AUTS2: variants seen among roughly 807,000 people sequenced by gnomAD.
The protein encoded by AUTS2 is activator of transcription and developmental regulator AUTS2, also known as autism susceptibility gene 2 protein.
A neutral mutation model predicts 112.4 loss-of-function variants in AUTS2; 17 were observed. The ratio of observed to expected loss-of-function variants is 0.15; its 90% confidence interval spans 0.10 to 0.23. The LOEUF (loss-of-function observed/expected upper bound fraction) is 0.23. Among genes scored for constraint, AUTS2 ranks in the 10% least tolerant of loss-of-function variants. The pLI, the probability that AUTS2 is intolerant of heterozygous loss-of-function variation, is 1.00. For synonymous variants in AUTS2, 751 were observed against 702.7 expected (o/e 1.07, Z -1.09); for missense variants, 1,510 against 1,701.6 (o/e 0.89, Z 1.98).
chr7:69,646,420 G>A (rs1461350450), intron 1 of AUTS2, among the ~76,000 whole-genome samples: 1 of 152,130 alleles, frequency 6.6e-6, no homozygotes, highest in Non-Finnish European at 1.5e-5. Flanking sequence ...AATGTTGAGA[G>A]GCTGTATTTT....
chr7:70,000,620 G>A (rs192735496), intron 2 of AUTS2, among the ~76,000 whole-genome samples: 137 of 152,220 alleles, frequency 9.0e-4, no homozygotes, highest in Non-Finnish European at 1.1e-3. Context: ...ATTCAATTCT[G>A]TATTCTCCCA....
chr7:69,715,200 G>T (rs1798541846), intron 1 of AUTS2, among the ~76,000 whole-genome samples: 1 of 144,028 alleles, frequency 6.9e-6, no homozygotes, highest in African/African-American at 2.6e-5. Flanking sequence ...TCCTTCTTTG[G>T]CTTGTATAAT....
At chr7:70,200,165 C>T (rs1193504440) in intron 4 of AUTS2, among the ~76,000 whole-genome samples, 29 of 14,854 alleles carry the variant, frequency 2.0e-3, no homozygotes, top group Non-Finnish European at 3.4e-3. Context: ...ACACCACATA[C>T]CAGAATCTCT....
chr7:69,814,269 A>T (rs745443144), intron 1 of AUTS2, among the ~76,000 whole-genome samples: 1 of 152,174 alleles, frequency 6.6e-6, no homozygotes, highest in Non-Finnish European at 1.5e-5. Flanking sequence ...TTGTTTTCCT[A>T]TGTTCCTTAT....
chr7:70,712,190 TCA>T (rs1337377714), intron 6 of AUTS2, among the ~76,000 whole-genome samples: 2 of 123,710 alleles, frequency 1.6e-5, no homozygotes, highest in African/African-American at 6.2e-5. Flanking sequence ...CATGCCTGGC[TCA>T]CTTTTTTTTT....
rs139267434 is a variant in AUTS2, at chr7:70,048,334, A to C, written c.523-69798A>C. ...AGGCATGGCTCCTCTTTGTCCCCTT[A>C]ACAAGCTCTGGATTTTTCTTTAACA... On this transcript the variant is annotated intron_variant, in intron 2 of 18. Transcript: ENST00000342771. Among the ~76,000 whole-genome samples, 644 of 152,220 alleles carry C rather than the reference A, an allele frequency of 4.2e-3. 8 individuals carry two copies. The highest frequency in any genetic ancestry group is 0.015 in the African/African-American group (604 of 41,540).
intron 1 of AUTS2, among the ~76,000 whole-genome samples, chr7:69,736,763 T>C (rs1237889821): frequency 6.6e-6 from 1 of 152,204 alleles, no homozygotes; most frequent in Non-Finnish European, 1.5e-5. Context: ...AGGCTTCACC[T>C]ATATGGGAAA....
chr7:70,516,291 G>A (rs984213499), intron 5 of AUTS2, among the ~76,000 whole-genome samples: 1 of 151,942 alleles, frequency 6.6e-6, no homozygotes, highest in Non-Finnish European at 1.5e-5. Flanking sequence ...CCACACACCC[G>A]CACCTTACCC....
chr7:70,390,487 T>C (rs1222036486), intron 4 of AUTS2, among the ~76,000 whole-genome samples: 5 of 151,980 alleles, frequency 3.3e-5, no homozygotes. Context: ...GCCTCAAGAG[T>C]AGTGACTCCT....
At chr7:70,037,543 A>G (rs1198130648) in intron 2 of AUTS2, among the ~76,000 whole-genome samples, 4 of 152,220 alleles carry the variant, frequency 2.6e-5, no homozygotes. Flanking sequence ...AATTTTATTT[A>G]AAAATATTTT....
intron 2 of AUTS2, among the ~76,000 whole-genome samples, chr7:70,092,223 C>T (rs147497259): frequency 1.3e-4 from 20 of 152,222 alleles, no homozygotes; most frequent in African/African-American, 4.6e-4. Flanking sequence ...TCAGATTTCT[C>T]ATGTTAGGCA....
At chr7:70,261,556 T>C (rs1335981818) in intron 4 of AUTS2, among the ~76,000 whole-genome samples, 1 of 152,206 alleles carries the variant, frequency 6.6e-6, no homozygotes, top group Non-Finnish European at 1.5e-5. Flanking sequence ...ATAAACAGGG[T>C]CCAGAGAAAT....
At chr7:70,554,393 C>CTTTTTT (rs34757734) in intron 5 of AUTS2, among the ~76,000 whole-genome samples, 7 of 116,056 alleles carry the variant, frequency 6.0e-5, no homozygotes, top group African/African-American at 2.1e-4. Flanking sequence ...TCTTTTCTTT[C>CTTTTTT]TTTTTTTTTT....
intron 5 of AUTS2, among the ~76,000 whole-genome samples, chr7:70,595,920 G>A (rs1803175341): frequency 6.6e-6 from 1 of 152,178 alleles, no homozygotes; most frequent in African/African-American, 2.4e-5. Context: ...CCCGCCCCGT[G>A]CCTTGCCGGG....
chr7:70,204,950 A>G (rs186823523), intron 4 of AUTS2, among the ~76,000 whole-genome samples: 11 of 152,284 alleles, frequency 7.2e-5, no homozygotes, highest in Admixed American at 7.2e-4. Context: ...ATAGGGAAAA[A>G]AAAAGGTTAT....
intron 4 of AUTS2, among the ~76,000 whole-genome samples, chr7:70,184,824 A>G (rs1364574739): frequency 2.6e-5 from 4 of 152,154 alleles, no homozygotes; most frequent in African/African-American, 9.7e-5. Context: ...TTCTTTATTT[A>G]TAATACAAAA....
At chr7:70,696,212 C>T (rs536408750) in intron 5 of AUTS2, among the ~76,000 whole-genome samples, 2 of 152,292 alleles carry the variant, frequency 1.3e-5, no homozygotes, top group East Asian at 1.9e-4. Flanking sequence ...CGTGTCGTTT[C>T]CCCTGAAGAT....
At chr7:70,472,372 T>G (rs1191078171) in intron 5 of AUTS2, among the ~76,000 whole-genome samples, 1 of 151,108 alleles carries the variant, frequency 6.6e-6, no homozygotes, top group East Asian at 1.9e-4. Flanking sequence ...GGGTGGGGTT[T>G]TTTTTTTTTT....
intron 4 of AUTS2, among the ~76,000 whole-genome samples, chr7:70,156,019 G>C (rs934467440): frequency 6.6e-6 from 1 of 152,100 alleles, no homozygotes; most frequent in African/African-American, 2.4e-5. Context: ...TTTGTCTGCT[G>C]ACACGTGGGT....
Sources: allele counts gnomAD v4.1 joint callset (sites outside exome capture counted in the v4.1 genomes callset), GRCh38; gene constraint gnomAD v4.1.1; transcripts MANE v1.5; gene names NCBI Gene and HGNC (gene_info 2026-07-23, HGNC 2026-07-21).